Variants in ZC3H14 observed in about 807,000 individuals in gnomAD.
ZC3H14 encodes zinc finger CCCH-type containing 14, also known as zinc finger CCCH domain-containing protein 14.
A neutral mutation model predicts 92.4 loss-of-function variants in ZC3H14; 31 were observed. The ratio of observed to expected loss-of-function variants is 0.34; its 90% CI spans 0.25 to 0.45. The LOEUF (loss-of-function observed/expected upper bound fraction) is 0.45, where lower values mean the gene tolerates loss of function less well. ZC3H14 is among the 20% of genes least tolerant of loss of function. The pLI is 1.00. For missense variants in ZC3H14, 781 were observed against 897.3 expected, an observed-to-expected ratio of 0.87 and a Z score of 1.66; for synonymous variants, 321 against 300.9, an observed-to-expected ratio of 1.07 and a Z score of -0.69.
intron 9 of ZC3H14, among the ~76,000 whole-genome samples, chr14:88,581,722 G>A (rs1403445294): frequency 1.3e-5 from 2 of 152,062 alleles, no homozygotes; most frequent in Admixed American, 6.5e-5. Flanking sequence ...GGATGCAGGC[G>A]CCAACTTAGA....
Position 88,621,196 on chromosome 14 carries a change from C to T in ZC3H14, c.*9445C>T. 6.2e-7 allele frequency: 1 copy of T among 1,613,870 alleles called. No homozygotes were observed. On this transcript the variant is annotated 3_prime_UTR_variant, in exon 17 of 17. Transcript: ENST00000251038. ...TCCCTGGAAGGATGTGTTGCTAGTC[C>T]CCAGATTGGCCCATCCACATGACCG...
intron 2 of ZC3H14, among the ~76,000 whole-genome samples, chr14:88,565,164 A>T (rs1483736696): frequency 6.6e-6 from 1 of 152,012 alleles, no homozygotes; most frequent in Non-Finnish European, 1.5e-5. Context: ...TTTTTTTGAG[A>T]TGGAATTTCA....
intron 9 of ZC3H14, among the ~76,000 whole-genome samples, chr14:88,584,210 C>T (rs1013008356): frequency 3.9e-5 from 6 of 152,106 alleles, no homozygotes; most frequent in African/African-American, 7.2e-5. Context: ...ACCCTTGAAC[C>T]AGACAAGTTT....
intron 9 of ZC3H14, among the ~76,000 whole-genome samples, chr14:88,581,388 A>G (rs891568603): frequency 2.0e-5 from 3 of 151,994 alleles, no homozygotes; most frequent in Non-Finnish European, 1.5e-5. Context: ...GTGAAACCCC[A>G]TCTCTACTAA....
chr14:88,607,128 T>A, intron 12 of ZC3H14, 115 bp from the exon 13 acceptor site: 1 of 1,503,274 alleles, frequency 6.7e-7, no homozygotes, highest in Non-Finnish European at 9.1e-7. Context: ...TTATTTTATA[T>A]GACTGTACAT....
In ZC3H14 at chr14:88,574,857, C is replaced by T; in HGVS notation, c.1022+4C>T. 6.2e-7 allele frequency: 1 copy of T among 1,614,154 alleles called. No homozygotes were observed. Among genetic ancestry groups the T allele is most frequent in the Non-Finnish European group, 8.5e-7 (1 of 1,180,020 alleles). On this transcript the variant is annotated splice_donor_region_variant and intron_variant, in intron 7 of 16. Coordinates refer to ENST00000251038, the MANE Select transcript of ZC3H14 (RefSeq NM_024824.5). ...TGCCTGCAAAGCCTGAAAGGAGGTA[C>T]CTTGAACATGGCTGTAAATTAATCT...
At chr14:88,578,746 C>T (rs1195830154) in intron 9 of ZC3H14, among the ~76,000 whole-genome samples, 1 of 150,858 alleles carries the variant, frequency 6.6e-6, no homozygotes, top group Non-Finnish European at 1.5e-5. Flanking sequence ...CCTAATTTAT[C>T]CCCTCGTGCC....
Position 88,574,846 on chromosome 14 carries a change from G to A in ZC3H14, c.1015G>A (p.Glu339Lys). 6.2e-7 allele frequency: 1 copy of A among 1,614,186 alleles called. No homozygotes were observed. Residue 339 changes from glutamate to lysine, a missense_variant, in exon 7 of 17, where the codon GAA (glutamate) becomes AAA (lysine). Physicochemically the swap from Glu to Lys is moderately conservative, Grantham distance 56. Transcript: ENST00000251038. ...CAGTGTGTCTGTGCCTGCAAAGCCT[G>A]AAAGGAGGTACCTTGAACATGGCTG... ...SSSVSVPAKP[E>K]RRPSLPPSKQ...
rs777152604 is a variant in ZC3H14 at position 88,578,131 on chromosome 14, A to G, written c.1270A>G (p.Lys424Glu). The G allele has an allele frequency of 1.9e-6, 3 of 1,614,120 alleles. No homozygotes were observed. Among genetic ancestry groups the G allele is most frequent in the Non-Finnish European group, 2.5e-6 (3 of 1,179,996 alleles). Residue 424 changes from lysine to glutamate, a missense_variant, in exon 9 of 17, where the codon AAA (lysine) becomes GAA (glutamate). Physicochemically the swap from Lys to Glu is moderately conservative, Grantham distance 56. Transcript: ENST00000251038. ...EEETKGDSVEKNQGTQQRQLL... is the reference protein window; with the variant it reads ...EEETKGDSVEENQGTQQRQLL... ...GGAAACAAAAGGAGATTCTGTAGAA[A>G]AAAATCAAGGTAATAACTTAAATGA...
rs535795115 is a variant in ZC3H14, at chr14:88,622,358, A to T, written c.*10607A>T. 3.2e-5 allele frequency: 11 copies of T among 348,196 alleles called. No individual in the cohort carries two copies. In the South Asian group the frequency reaches 1.2e-3, roughly 39 times the overall value. The allele number at this position is 348,196 out of a possible 1,614,324, so 21.6% of individuals were successfully genotyped here. ...CAATTATGTCTACTAGAGTTGTTAA[A>T]TTGGCAGATTCTAGAAAATATTGGA... is the stretch of plus-strand genomic sequence containing the variant. On this transcript the variant is annotated 3_prime_UTR_variant, in exon 17 of 17. Coordinates refer to ENST00000251038, the MANE Select transcript of ZC3H14 (RefSeq NM_024824.5).
Position 88,618,860 on chromosome 14 carries a change from T to C in ZC3H14, c.*7109T>C. On this transcript the variant is annotated 3_prime_UTR_variant, in exon 17 of 17. Coordinates refer to ENST00000251038, the MANE Select transcript of ZC3H14 (RefSeq NM_024824.5). ...AAGTATTAGACCACATGAAGTATTA[T>C]AAATACTTAAGATCAGTGACTTTTC... 1 of 1,496,376 alleles carries C rather than the reference T, an allele frequency of 6.7e-7. No homozygotes were observed. Among genetic ancestry groups the C allele is most frequent in the South Asian group, 1.3e-5 (1 of 74,692 alleles). 92.7% of individuals were successfully genotyped at this position (1,496,376 alleles called of 1,614,324 possible). A position where few individuals can be genotyped will look rare whatever the true frequency, so the allele number is the denominator to read the frequency against.
intron 9 of ZC3H14, 45 bp downstream of exon 9, chr14:88,578,185 T>G: frequency 6.2e-7 from 1 of 1,603,146 alleles, no homozygotes; most frequent in Non-Finnish European, 8.5e-7. Flanking sequence ...AGTTTTTTCA[T>G]GAGGCATTGA....
chr14:88,589,810 A>G (rs1271655054), intron 9 of ZC3H14: 1 of 152,216 alleles, frequency 6.6e-6, no homozygotes, highest in African/African-American at 2.4e-5. Flanking sequence ...ACTACCGTTT[A>G]TCACTTCTGC....
chr14:88,568,839 T>A (rs973770990), intron 3 of ZC3H14, among the ~76,000 whole-genome samples: 11 of 152,232 alleles, frequency 7.2e-5, no homozygotes, highest in Non-Finnish European at 1.5e-4. Context: ...CCTAAGGAAT[T>A]CTTAGTATAT....
At chr14:88,571,193 A>G (rs956158644) in intron 4 of ZC3H14, 69 bp downstream of exon 4, 4 of 1,395,386 alleles carry the variant, frequency 2.9e-6, no homozygotes, top group African/African-American at 1.4e-5. Context: ...TTCTAAAGTC[A>G]TAGTGCTTTG....
chr14:88,611,686 T>C (rs887174863), intron 16 of ZC3H14, 59 bp from the exon 17 acceptor site: 24 of 1,604,804 alleles, frequency 1.5e-5, no homozygotes, highest in Non-Finnish European at 1.8e-5. Context: ...AACTGAGATA[T>C]ATGGTATATA....
At chr14:88,609,837 G>A in intron 15 of ZC3H14, 34 bp downstream of exon 15, 1 of 1,591,118 alleles carries the variant, frequency 6.3e-7, no homozygotes, top group Non-Finnish European at 8.6e-7. Context: ...TCAATTTAGT[G>A]ACAACATCTC....
In ZC3H14 at chr14:88,618,081, A is replaced by G; in HGVS notation, c.*6330A>G. 3.8e-6 allele frequency: 2 copies of G among 526,520 alleles called. No homozygotes were observed. The highest frequency in any genetic ancestry group is 6.6e-6 in the Non-Finnish European group (2 of 303,654). 32.6% of individuals were successfully genotyped at this position (526,520 alleles called of 1,614,324 possible). A position where few individuals can be genotyped will look rare whatever the true frequency, so the allele number is the denominator to read the frequency against. On this transcript the variant is annotated 3_prime_UTR_variant, in exon 17 of 17. Coordinates refer to ENST00000251038, the MANE Select transcript of ZC3H14 (RefSeq NM_024824.5). Reference sequence around the variant, plus strand: ...ATATATTCAATAAAAAGGGGTCCCAACATGAACATACCATTTCAAAATATG... The same window carrying G: ...ATATATTCAATAAAAAGGGGTCCCAGCATGAACATACCATTTCAAAATATG...
rs757828686 is a variant in ZC3H14, at chr14:88,621,815, A to G, written c.*10064A>G. On this transcript the variant is annotated 3_prime_UTR_variant, in exon 17 of 17. Transcript: ENST00000251038. ...AATTGACACATAATTATACATATCT[A>G]TAGGGCATAGGGTAATACGCATAAC... 12 of 443,380 alleles carry G rather than the reference A, an allele frequency of 2.7e-5. No homozygotes were observed. The highest frequency in any genetic ancestry group is 1.8e-4 in the South Asian group (11 of 62,602). The allele number at this position is 443,380 out of a possible 1,614,324, so 27.5% of individuals were successfully genotyped here.
Sources: gnomAD v4.1 joint callset for allele counts (sites outside exome capture counted in the v4.1 genomes callset) on GRCh38, gnomAD v4.1.1 for gene constraint, MANE v1.5 for transcripts, NCBI Gene and HGNC (gene_info 2026-07-23, HGNC 2026-07-21) for gene names.